Variants in PEBP4 observed in about 807,000 individuals in gnomAD.
PEBP4 encodes the protein phosphatidylethanolamine binding protein 4.
PEBP4 carries 22 observed loss-of-function variants against 23.9 expected under a neutral mutation model. The ratio of observed to expected loss-of-function variants is 0.92; its 90% confidence interval spans 0.66 to 1.31. The LOEUF (loss-of-function observed/expected upper bound fraction) is 1.31. Ranked by LOEUF, PEBP4 falls within the 40% of genes most tolerant of loss-of-function variation. The probability of loss-of-function intolerance (pLI) is 0.00; values close to 1 mark genes in which losing one functional copy is unlikely to be tolerated. For synonymous variants in PEBP4, 112 were observed against 99.3 expected (o/e 1.13, Z -0.76); for missense variants, 324 against 281.7 (o/e 1.15, Z -1.07).
chr8:22,926,255 T>A (rs1475872097), intron 2 of PEBP4, among the ~76,000 whole-genome samples: 1 of 152,086 alleles, frequency 6.6e-6, no homozygotes, highest in Non-Finnish European at 1.5e-5. Context: ...GGATTACAGG[T>A]GTGAGCCACC....
intron 3 of PEBP4, among the ~76,000 whole-genome samples, chr8:22,871,305 A>G (rs1808002100): frequency 6.6e-6 from 1 of 152,114 alleles, no homozygotes; most frequent in African/African-American, 2.4e-5. Context: ...TTGCACCCCC[A>G]TCACTGTTGT....
chr8:22,776,113 A>C (rs1158778066), intron 4 of PEBP4, among the ~76,000 whole-genome samples: 1 of 152,156 alleles, frequency 6.6e-6, no homozygotes, highest in Non-Finnish European at 1.5e-5. Flanking sequence ...TCTGCACCAA[A>C]GTAATACTTA....
At chr8:22,846,946 G>A (rs1477162710) in intron 3 of PEBP4, among the ~76,000 whole-genome samples, 1 of 152,046 alleles carries the variant, frequency 6.6e-6, no homozygotes, top group African/African-American at 2.4e-5. Context: ...AGGATCACTT[G>A]AGCCCAAGAG....
At chr8:22,872,019 CAT>C (rs2128770632) in intron 3 of PEBP4, among the ~76,000 whole-genome samples, 1 of 152,296 alleles carries the variant, frequency 6.6e-6, no homozygotes, top group African/African-American at 2.4e-5. Flanking sequence ...TAAGTGAAAA[CAT>C]ATGATATTTG....
intron 3 of PEBP4, among the ~76,000 whole-genome samples, chr8:22,876,708 G>A (rs556889056): frequency 6.6e-6 from 1 of 152,350 alleles, no homozygotes; most frequent in Non-Finnish European, 1.5e-5. Flanking sequence ...TGTAAAATTA[G>A]AAGTAAATAA....
chr8:22,855,772 A>G (rs529128213), intron 3 of PEBP4, among the ~76,000 whole-genome samples: 5 of 152,290 alleles, frequency 3.3e-5, no homozygotes, highest in African/African-American at 2.4e-5. Context: ...CAGGCATGAT[A>G]GCTCACGCCT....
At position 22,865,383 on chromosome 8, in the gene PEBP4, CG is replaced by C. The variant is rs869310372; in HGVS notation, c.259-47649del. Among the ~76,000 whole-genome samples, 1 of 150,850 alleles carries C rather than the reference CG, an allele frequency of 6.6e-6. No individual in the cohort carries two copies. Among genetic ancestry groups the C allele is most frequent in the Non-Finnish European group, 1.5e-5 (1 of 67,688 alleles). ...GCGGTGACGGTGGCGGTGGCGGTGG[CG>C]GCGGCGGGACCCCGGGCCTGGCTGC... On this transcript the variant is annotated intron_variant, in intron 3 of 6. Coordinates refer to ENST00000256404, the MANE Select transcript of PEBP4 (RefSeq NM_144962.3). This position sits in a 1 kb window ranked among gnomAD's most constrained non-coding sequence, Gnocchi z 6.9.
At chr8:22,863,981 C>T (rs183723678) in intron 3 of PEBP4, among the ~76,000 whole-genome samples, 13 of 152,258 alleles carry the variant, frequency 8.5e-5, no homozygotes, top group Non-Finnish European at 1.8e-4. Context: ...TAAGGGCTTC[C>T]TAACCCATCA....
intron 3 of PEBP4, among the ~76,000 whole-genome samples, chr8:22,853,769 G>A (rs1400465217): frequency 6.6e-6 from 1 of 152,198 alleles, no homozygotes; most frequent in Admixed American, 6.5e-5. Context: ...GACAGCCTGA[G>A]TCCATGGATG....
chr8:22,766,204 G>C (rs1213952092), intron 4 of PEBP4, among the ~76,000 whole-genome samples: 2 of 152,212 alleles, frequency 1.3e-5, no homozygotes, highest in Non-Finnish European at 1.5e-5. Context: ...ATGTGGTGTG[G>C]AGGATGTGTG....
chr8:22,882,092 CA>C (rs750233648), intron 3 of PEBP4, among the ~76,000 whole-genome samples: 3 of 152,198 alleles, frequency 2.0e-5, no homozygotes, highest in Non-Finnish European at 4.4e-5. Flanking sequence ...GAGAACCCCC[CA>C]GCCCTCCATC....
intron 3 of PEBP4, chr8:22,886,342 A>G (rs1281416079): frequency 6.6e-6 from 1 of 152,194 alleles, no homozygotes; most frequent in African/African-American, 2.4e-5. Flanking sequence ...CAGCCATTGA[A>G]TCTGACCAGG....
intron 3 of PEBP4, among the ~76,000 whole-genome samples, chr8:22,892,703 G>A (rs1410716549): frequency 6.6e-6 from 1 of 152,148 alleles, no homozygotes; most frequent in African/African-American, 2.4e-5. Context: ...TAGAGTATCA[G>A]GAACCAGATT....
intron 5 of PEBP4, among the ~76,000 whole-genome samples, chr8:22,726,786 C>T (rs1279721915): frequency 6.6e-6 from 1 of 151,742 alleles, no homozygotes; most frequent in Non-Finnish European, 1.5e-5. Flanking sequence ...TGCCAGAGGC[C>T]AGCCCAGTAC....
At chr8:22,800,910 G>A (rs1806367388) in intron 4 of PEBP4, among the ~76,000 whole-genome samples, 1 of 151,998 alleles carries the variant, frequency 6.6e-6, no homozygotes, top group Non-Finnish European at 1.5e-5. Context: ...CTCAAGAGAT[G>A]AATATATGCC....
At chr8:22,824,672 T>C (rs995337146) in intron 3 of PEBP4, among the ~76,000 whole-genome samples, 1 of 152,138 alleles carries the variant, frequency 6.6e-6, no homozygotes, top group African/African-American at 2.4e-5. Context: ...GTGGAGGTGA[T>C]GGGAGACAGT....
intron 4 of PEBP4, among the ~76,000 whole-genome samples, chr8:22,800,159 T>C (rs1204481142): frequency 6.6e-6 from 1 of 152,136 alleles, no homozygotes; most frequent in Non-Finnish European, 1.5e-5. Flanking sequence ...GGGTAAACTT[T>C]CGCTTTCTTC....
At chr8:22,768,661 G>A (rs1805656493) in intron 4 of PEBP4, among the ~76,000 whole-genome samples, 1 of 152,138 alleles carries the variant, frequency 6.6e-6, no homozygotes, top group East Asian at 1.9e-4. Context: ...TTGAGGCAAT[G>A]GTTCAGGGAG....
At chr8:22,803,963 C>T (rs978125741) in intron 4 of PEBP4, among the ~76,000 whole-genome samples, 1 of 152,202 alleles carries the variant, frequency 6.6e-6, no homozygotes, top group Non-Finnish European at 1.5e-5. Flanking sequence ...TCATTCCTCT[C>T]AAAGGAGCAA....
Sources: allele counts gnomAD v4.1 joint callset (sites outside exome capture counted in the v4.1 genomes callset), GRCh38; gene constraint gnomAD v4.1.1; non-coding constraint Gnocchi (gnomAD v3.1); transcripts MANE v1.5; gene names NCBI Gene and HGNC (gene_info 2026-07-23, HGNC 2026-07-21).